The following MTDH variants were observed in gnomAD, a reference collection of about 807,000 sequenced individuals.
MTDH encodes the protein metadherin, also known as protein LYRIC.
In MTDH, 34 loss-of-function variants were observed where a neutral mutation model predicts 72.7. The observed-to-expected ratio is 0.47, with a 90% confidence interval of 0.36 to 0.62. The LOEUF (loss-of-function observed/expected upper bound fraction) is 0.62. Ranked by LOEUF, MTDH falls within the 20% of genes least tolerant of loss-of-function variation. MTDH has a pLI of 0.00. For missense variants in MTDH, 677 were observed against 699.4 expected (o/e 0.97, Z 0.36); for synonymous variants, 266 against 268.9 (o/e 0.99, Z 0.10).
intron 2 of MTDH, among the ~76,000 whole-genome samples, chr8:97,676,221 T>C (rs1812840373): frequency 1.3e-5 from 2 of 152,216 alleles, no homozygotes; most frequent in African/African-American, 4.8e-5. Flanking sequence ...ATTACTGGCT[T>C]GAGCCATTGC....
chr8:97,729,200 T>TA lies in MTDH; in HGVS notation c.*4531dup, dbSNP rs1374032585. The stretch of plus-strand genomic sequence containing the variant: ...CCTTGGCCTCCCAAAGTGCTGGTGT[T>TA]ACAGGTGTGAGCCACCACACCTGGC... On this transcript the variant is annotated 3_prime_UTR_variant, in exon 12 of 12. Transcript: ENST00000336273. Among the ~76,000 whole-genome samples, 3 of 151,662 alleles carry TA rather than the reference T, an allele frequency of 2.0e-5. No homozygotes were observed. The highest frequency in any genetic ancestry group is 1.3e-4 in the Admixed American group (2 of 15,196).
At chr8:97,682,241 TATATATATATATATATATATATATATA>T (rs1813119603) in intron 2 of MTDH, among the ~76,000 whole-genome samples, 1 of 3,182 alleles carries the variant, frequency 3.1e-4, no homozygotes, top group African/African-American at 1.4e-3. Context: ...TATATATATA[TATATATATATATATATATATATATATA>T]TATATATATA....
At chr8:97,669,541 AT>A (rs1344346798) in intron 2 of MTDH, among the ~76,000 whole-genome samples, 2 of 151,972 alleles carry the variant, frequency 1.3e-5, no homozygotes, top group Non-Finnish European at 2.9e-5. Flanking sequence ...TCCGCCACTT[AT>A]CCCCAGTCCC....
chr8:97,684,420 ACT>A (rs140015957), intron 2 of MTDH, among the ~76,000 whole-genome samples: 6,685 of 152,248 alleles, frequency 0.044, 202 homozygotes, highest in Non-Finnish European at 0.066. Context: ...AGGATAGCAA[ACT>A]CTGACACCCC....
At chr8:97,686,312 C>G (rs1220038209) in intron 2 of MTDH, among the ~76,000 whole-genome samples, 1 of 152,158 alleles carries the variant, frequency 6.6e-6, no homozygotes, top group Non-Finnish European at 1.5e-5. Flanking sequence ...CCAGACAGAC[C>G]TAGTTCCTAA....
intron 9 of MTDH, among the ~76,000 whole-genome samples, chr8:97,716,950 G>A (rs1814900379): frequency 1.3e-5 from 2 of 152,154 alleles, no homozygotes; most frequent in Admixed American, 1.3e-4. Context: ...AAAGTGCTGG[G>A]ATTACAGATG....
intron 2 of MTDH, among the ~76,000 whole-genome samples, chr8:97,674,381 A>G (rs1054059400): frequency 3.3e-5 from 5 of 152,250 alleles, no homozygotes; most frequent in Non-Finnish European, 5.9e-5. Context: ...GACAGTTTTC[A>G]CACTCTCATC....
intron 6 of MTDH, among the ~76,000 whole-genome samples, chr8:97,697,196 G>C (rs377278965): frequency 7.4e-6 from 1 of 134,428 alleles, no homozygotes; most frequent in Non-Finnish European, 1.5e-5. Flanking sequence ...GTTCCGCAGC[G>C]TCTGGAATCA....
chr8:97,715,034 A>G (rs1274510672), intron 9 of MTDH, among the ~76,000 whole-genome samples: 1 of 152,172 alleles, frequency 6.6e-6, no homozygotes, highest in African/African-American at 2.4e-5. Flanking sequence ...CATGTTAGCC[A>G]GGCTGGTCTC....
Position 97,722,986 on chromosome 8 carries a change from A to G in MTDH, c.1629A>G (p.Thr543=). 2 of 1,614,146 alleles carry G rather than the reference A, an allele frequency of 1.2e-6. No individual in the cohort carries two copies. Among genetic ancestry groups the G allele is most frequent in the African/African-American group, 1.3e-5 (1 of 75,068 alleles). The change falls in exon 11 of 12, where the codon ACA becomes ACG. Residue 543 remains threonine (T), a synonymous_variant. Transcript: ENST00000336273. ...AAGTGCCGCCAATACTACAAGAGAC[A>G]GATAAATCCAAGTCAAATACCAAGC... The part of the protein sequence containing the change: ...SSQVPPILQE[T]DKSKSNTKQN...
At chr8:97,677,798 G>GT (rs1288038046) in intron 2 of MTDH, among the ~76,000 whole-genome samples, 5 of 152,022 alleles carry the variant, frequency 3.3e-5, no homozygotes, top group Non-Finnish European at 5.9e-5. Context: ...GGCATTTCTA[G>GT]TTTTTTTGGA....
rs145568578 is a variant in MTDH, at chr8:97,683,711, T to C, written c.484-2957T>C. On this transcript the variant is annotated intron_variant, in intron 2 of 11. Coordinates refer to ENST00000336273, the MANE Select transcript of MTDH (RefSeq NM_178812.4). ...ACTCAGCAATCTTAAACACTTTTTA[T>C]GGCCTCAGTTTCTATGTGTAAAATG... Among the ~76,000 whole-genome samples, 395 of 152,312 alleles carry C rather than the reference T, an allele frequency of 2.6e-3. 1 individual carries two copies. Among genetic ancestry groups the C allele is most frequent in the African/African-American group, 9.2e-3 (381 of 41,578 alleles).
intron 11 of MTDH, 35 bp from the exon 12 acceptor site, chr8:97,724,565 A>G: frequency 6.8e-7 from 1 of 1,472,716 alleles, no homozygotes; most frequent in Non-Finnish European, 9.2e-7. Flanking sequence ...CATCCTCCTA[A>G]TTTTTTTCTT....
rs201162615 is a variant in MTDH, at chr8:97,644,863, G to T, written c.357G>T (p.Arg119=). 1 of 1,570,326 alleles carries T rather than the reference G, an allele frequency of 6.4e-7. No individual in the cohort carries two copies. The highest frequency in any genetic ancestry group is 1.4e-5 in the African/African-American group (1 of 69,580). Residue 119 remains arginine (R), a synonymous_variant, in exon 1 of 12, where the codon CGG becomes CGT. Coordinates refer to ENST00000336273, the MANE Select transcript of MTDH (RefSeq NM_178812.4). Reference sequence around the variant, plus strand: ...GCGAGGAACAGAAGAAGAAGAACCGGAAGAAACTGTCCGAGAAGCCCAAAG... The same window carrying T: ...GCGAGGAACAGAAGAAGAAGAACCGTAAGAAACTGTCCGAGAAGCCCAAAG... ...LRSEEQKKKN[R]KKLSEKPKPN...
chr8:97,712,480 T>G (rs538960006), intron 8 of MTDH, among the ~76,000 whole-genome samples: 1 of 152,360 alleles, frequency 6.6e-6, no homozygotes, highest in African/African-American at 2.4e-5. Context: ...CTTTAACCAT[T>G]TACCTATTGA....
At chr8:97,717,734 G>A (rs1323169537) in intron 9 of MTDH, among the ~76,000 whole-genome samples, 1 of 150,928 alleles carries the variant, frequency 6.6e-6, no homozygotes, top group Non-Finnish European at 1.5e-5. Context: ...TAAGTGACTT[G>A]TCCCTGAGAT....
chr8:97,644,789 G>A lies in MTDH; in HGVS notation c.283G>A (p.Val95Met). ...PPRKREEAAA[V>M]PAAAPDDLAL... Reference sequence around the variant, plus strand: ...CCGCAAGCGGGAGGAGGCGGCGGCCGTGCCGGCCGCGGCCCCCGACGACCT... The same window carrying A: ...CCGCAAGCGGGAGGAGGCGGCGGCCATGCCGGCCGCGGCCCCCGACGACCT... The change falls in exon 1 of 12, where the codon GTG (valine) becomes ATG (methionine). Residue 95 changes from valine to methionine, a missense_variant. This residue lies in a region of MTDH where 467 missense variants were observed against 469.1 expected (regional missense o/e 1.00). Transcript: ENST00000336273. The A allele has an allele frequency of 6.5e-7, 1 of 1,549,030 alleles. No homozygotes were observed. The highest frequency in any genetic ancestry group is 8.6e-7 in the Non-Finnish European group (1 of 1,157,912).
chr8:97,718,817 C>T (rs768595929), intron 9 of MTDH, among the ~76,000 whole-genome samples: 12 of 151,964 alleles, frequency 7.9e-5, no homozygotes, highest in Non-Finnish European at 1.8e-4. Context: ...CCTGCTCAGC[C>T]TCCTGAGTAA....
chr8:97,676,822 T>C (rs1384545962), intron 2 of MTDH, among the ~76,000 whole-genome samples: 1 of 151,294 alleles, frequency 6.6e-6, no homozygotes, highest in Non-Finnish European at 1.5e-5. Context: ...GCTAACATGG[T>C]GAAACCCCCT....
Sources: gnomAD v4.1 joint callset for allele counts (sites outside exome capture counted in the v4.1 genomes callset) on GRCh38, gnomAD v4.1.1 for gene constraint, gnomAD v4.1.1 regional missense constraint, MANE v1.5 for transcripts, NCBI Gene and HGNC (gene_info 2026-07-23, HGNC 2026-07-21) for gene names.